Variants in SARM1 observed in about 807,000 individuals in gnomAD.
SARM1 encodes the protein NAD(+) hydrolase SARM1.
Under a neutral mutation model 65.1 loss-of-function variants are expected in SARM1, and 60 were observed. That is an observed-to-expected ratio of 0.92 (90% CI 0.75 to 1.14). The LOEUF (loss-of-function observed/expected upper bound fraction) is 1.14, where lower values mean the gene tolerates loss of function less well. Among genes scored for constraint, SARM1 ranks in the 50% most tolerant of loss-of-function variants. The probability of loss-of-function intolerance (pLI) is 0.00; values close to 1 mark genes in which losing one functional copy is unlikely to be tolerated. For missense variants in SARM1, 913 were observed against 1,015.7 expected (o/e 0.90, Z 1.37); for synonymous variants, 417 against 465.4 (o/e 0.90, Z 1.34).
intron 1 of SARM1, chr17:28,373,555 G>A (rs2142421648): frequency 6.6e-6 from 1 of 152,326 alleles, no homozygotes; most frequent in African/African-American, 2.4e-5. Context: ...TTTAGGTTGG[G>A]AGACCAAGAT....
Position 28,381,513 on chromosome 17 carries a change from AAGG to A in SARM1, c.786_788del (p.Glu262del), listed in dbSNP as rs2068023956. ...GTGGCTCTTCCCGCTCGCCTTCTCC[AAGG>A]AGGACGAGCTGCTTCGGCTGCACGC... On this transcript the variant is annotated inframe_deletion, in exon 2 of 9. Transcript: ENST00000585482. 1.9e-6 allele frequency: 3 copies of A among 1,566,702 alleles called. No individual in the cohort carries two copies.
rs936934903 is a variant in SARM1, at chr17:28,384,994, C to T, written c.1395-46C>T. The T allele has an allele frequency of 1.2e-6, 2 of 1,606,058 alleles. No individual in the cohort carries two copies. Among genetic ancestry groups the T allele is most frequent in the Admixed American group, 1.7e-5 (1 of 59,102 alleles). Reference sequence around the variant, plus strand: ...AAATAAGCTCCCCCTCCGCCCACAGCCCGTCCGAGTCTGGACCTCAGCGTC... The same window carrying T: ...AAATAAGCTCCCCCTCCGCCCACAGTCCGTCCGAGTCTGGACCTCAGCGTC... On this transcript the variant is annotated intron_variant, in intron 4 of 8. Coordinates refer to ENST00000585482, the MANE Select transcript of SARM1 (RefSeq NM_015077.4). This position sits in a 1 kb window ranked among gnomAD's most constrained non-coding sequence, Gnocchi z 4.4.
chr17:28,381,503 C>A lies in SARM1; in HGVS notation c.771C>A (p.Leu257=), dbSNP rs782024705. 6.4e-7 allele frequency: 1 copy of A among 1,560,064 alleles called. No homozygotes were observed. Among genetic ancestry groups the A allele is most frequent in the South Asian group, 1.2e-5 (1 of 84,660 alleles). ...GCGCAGCCGAGTGGCTCTTCCCGCT[C>A]GCCTTCTCCAAGGAGGACGAGCTGC... ...EKRAAEWLFP[L]AFSKEDELLR... The change falls in exon 2 of 9, where the codon CTC becomes CTA. Residue 257 remains leucine (L), a synonymous_variant. Transcript: ENST00000585482.
At position 28,400,545 on chromosome 17, in the gene SARM1, G is replaced by A. The variant is rs2068182858; in HGVS notation, c.*4259G>A. ...ATGAAGCTGCCATTTCTGGTTGGGA[G>A]GAGAAGAGGAAACTTTTAAGAGAAA... On this transcript the variant is annotated 3_prime_UTR_variant, in exon 9 of 9. Coordinates refer to ENST00000585482, the MANE Select transcript of SARM1 (RefSeq NM_015077.4). The A allele has an allele frequency of 3.2e-6, 5 of 1,586,558 alleles. No homozygotes were observed. Among genetic ancestry groups the A allele is most frequent in the Non-Finnish European group, 4.3e-6 (5 of 1,164,542 alleles).
rs1224579416 is a variant in SARM1 at position 28,372,057 on chromosome 17, G to C, written c.25G>C (p.Ala9Pro). ...CATGGTCCTGACGCTGCTTCTCTCC[G>C]CCTACAAGCTGTGTCGCTTCTTCGC... MVLTLLLS[A>P]YKLCRFFAMS... is the part of the protein sequence containing the mutation. The change falls in exon 1 of 9, where the codon GCC (alanine) becomes CCC (proline). Residue 9 changes from alanine to proline, a missense_variant. Physicochemically the swap from Ala to Pro is conservative, Grantham distance 27. This residue lies in a region of SARM1 where 39 missense variants were observed against 32.0 expected (regional missense o/e 1.22). Transcript: ENST00000585482. The surrounding 1 kb of genome is among the most constrained non-coding windows in gnomAD (Gnocchi z 5.2). 26 of 1,504,820 alleles carry C rather than the reference G, an allele frequency of 1.7e-5. No homozygotes were observed. The Middle Eastern group carries it at 7.0e-4, about 40-fold the overall frequency. 93.2% of individuals were successfully genotyped at this position (1,504,820 alleles called of 1,614,324 possible).
rs1335223291 is a variant in SARM1, at chr17:28,399,911, A to C, written c.*3625A>C. ...CTGGAAAATAACTTTTTTTTTTTTA[A>C]GAGACAGGGTCTTGCTCTGTTGTCC... On this transcript the variant is annotated 3_prime_UTR_variant, in exon 9 of 9. Transcript: ENST00000585482. The C allele has an allele frequency of 1.7e-6, 1 of 578,288 alleles. No homozygotes were observed. The highest frequency in any genetic ancestry group is 3.1e-6 in the Non-Finnish European group (1 of 322,802). The allele number at this position is 578,288 out of a possible 1,614,324, so 35.8% of individuals were successfully genotyped here.
chr17:28,379,334 G>A (rs1421095723), intron 1 of SARM1, among the ~76,000 whole-genome samples: 7 of 114,220 alleles, frequency 6.1e-5, no homozygotes, highest in East Asian at 2.5e-4. Context: ...TTTTTGAGAC[G>A]GAGTCTCGCT....
chr17:28,385,077 A>G lies in SARM1; in HGVS notation c.1432A>G (p.Asn478Asp). The stretch of plus-strand genomic sequence containing the variant: ...GCTCACGGAGCTCAAGACCTTCGCC[A>G]ACTATTCTACGTGCGACCGCAGCAA... ...RELTELKTFA[N>D]YSTCDRSNLA... Residue 478 changes from asparagine (N) to aspartate (D), a missense_variant, in exon 5 of 9, where the codon AAC becomes GAC. Asn to Asp is a conservative substitution (Grantham distance 23). Coordinates refer to ENST00000585482, the MANE Select transcript of SARM1 (RefSeq NM_015077.4). This position sits in a 1 kb window ranked among gnomAD's most constrained non-coding sequence, Gnocchi z 4.5. The G allele has an allele frequency of 6.2e-7, 1 of 1,613,858 alleles. No individual in the cohort carries two copies. The highest frequency in any genetic ancestry group is 8.5e-7 in the Non-Finnish European group (1 of 1,179,840).
Position 28,403,013 on chromosome 17 carries a change from G to A in SARM1, c.*6727G>A, listed in dbSNP as rs781818791. The A allele has an allele frequency of 6.6e-6, 1 of 152,246 alleles. No individual in the cohort carries two copies. The highest frequency in any genetic ancestry group is 1.5e-5 in the Non-Finnish European group (1 of 68,068). The allele number at this position is 152,246 out of a possible 1,614,324, so 9.4% of individuals were successfully genotyped here. On this transcript the variant is annotated 3_prime_UTR_variant, in exon 9 of 9. Transcript: ENST00000585482. ...TTGAGAAGGCACAAAGAGGAGGAGA[G>A]TCAATGTGAGCACAGAGGCAGAGAC... is the stretch of plus-strand genomic sequence containing the variant.
In SARM1 at chr17:28,381,440, C is replaced by A. The variant is rs986488733; in HGVS notation, c.708C>A (p.His236Gln). ...CALALGNCALHGGQAVQRRMV... is the reference protein window; with the variant it reads ...CALALGNCALQGGQAVQRRMV... ...TGGCGCTGGGCAACTGCGCGCTGCA[C>A]GGGGGCCAGGCGGTGCAGCGACGCA... Residue 236 changes from histidine to glutamine, a missense_variant, in exon 2 of 9, where the codon CAC becomes CAA. Around this residue, in one of 3 missense-constraint regions of SARM1, gnomAD observed 862 missense variants for 952.1 expected, o/e 0.91. Transcript: ENST00000585482. 1.3e-6 allele frequency: 2 copies of A among 1,545,982 alleles called. No homozygotes were observed. The highest frequency in any genetic ancestry group is 2.7e-5 in the African/African-American group (2 of 72,860).
At chr17:28,396,052 G>A (rs782010863) in intron 8 of SARM1, 26 bp downstream of exon 8, 2 of 1,613,740 alleles carry the variant, frequency 1.2e-6, no homozygotes, top group Non-Finnish European at 1.7e-6. Flanking sequence ...CTGGGACCAG[G>A]GGGGTAGGGT....
intron 6 of SARM1, 25 bp from the exon 7 acceptor site, chr17:28,388,325 G>A (rs1555586379): frequency 6.2e-7 from 1 of 1,611,640 alleles, no homozygotes; most frequent in Non-Finnish European, 8.5e-7. Flanking sequence ...CAAGGCTGTG[G>A]CACTGACACA....
Position 28,400,822 on chromosome 17 carries a change from G to A in SARM1, c.*4536G>A, listed in dbSNP as rs781971528. ...TCCGAAAGGGCCATATTCCAACTCT[G>A]GCACCACCACCTCACAGCTGTGTGA... On this transcript the variant is annotated 3_prime_UTR_variant, in exon 9 of 9. Transcript: ENST00000585482. 6.6e-5 allele frequency: 98 copies of A among 1,489,788 alleles called. No homozygotes were observed. The highest frequency in any genetic ancestry group is 8.8e-5 in the Non-Finnish European group (96 of 1,094,068). 92.3% of individuals were successfully genotyped at this position (1,489,788 alleles called of 1,614,324 possible).
chr17:28,372,202 C>A lies in SARM1; in HGVS notation c.170C>A (p.Ala57Glu). Residue 57 changes from alanine to glutamate, a missense_variant, in exon 1 of 9, where the codon GCA (alanine) becomes GAA (glutamate). Physicochemically the swap from Ala to Glu is moderately radical, Grantham distance 107 (BLOSUM62 -1). This residue lies in a region of SARM1 where 862 missense variants were observed against 952.1 expected (regional missense o/e 0.91). Coordinates refer to ENST00000585482, the MANE Select transcript of SARM1 (RefSeq NM_015077.4). The surrounding 1 kb of genome is among the most constrained non-coding windows in gnomAD (Gnocchi z 5.2). ...GGGCCCCGCGAAGTGTCGCCGGGGG[C>A]AGGCACCGAGGTGCAGGACGCCCTG... The part of the protein sequence containing the change: ...GRGPREVSPG[A>E]GTEVQDALER... 1 of 1,371,894 alleles carries A rather than the reference C, an allele frequency of 7.3e-7. No individual in the cohort carries two copies. Among genetic ancestry groups the A allele is most frequent in the Non-Finnish European group, 9.3e-7 (1 of 1,071,826 alleles). The allele number at this position is 1,371,894 out of a possible 1,614,324, so 85.0% of individuals were successfully genotyped here.
chr17:28,377,024 A>C (rs1555584705), intron 1 of SARM1, among the ~76,000 whole-genome samples: 1 of 152,182 alleles, frequency 6.6e-6, no homozygotes, highest in East Asian at 1.9e-4. Context: ...TCCTGACCTC[A>C]AGTGATCTGC....
intron 1 of SARM1, among the ~76,000 whole-genome samples, chr17:28,375,786 G>A (rs1048347568): frequency 5.3e-5 from 8 of 152,022 alleles, no homozygotes; most frequent in Non-Finnish European, 1.2e-4. Flanking sequence ...ACCAGCCTGG[G>A]CAGCATAGTG....
At position 28,399,663 on chromosome 17, in the gene SARM1, C is replaced by T. The variant is rs782324529; in HGVS notation, c.*3377C>T. On this transcript the variant is annotated 3_prime_UTR_variant, in exon 9 of 9. Coordinates refer to ENST00000585482, the MANE Select transcript of SARM1 (RefSeq NM_015077.4). The stretch of plus-strand genomic sequence containing the variant: ...TCTTCTGGTCCAGGCAGATCAGGGG[C>T]TCTGGGGAAACTGCTGGAACTCGAG... The T allele has an allele frequency of 7.4e-6, 12 of 1,613,998 alleles. No individual in the cohort carries two copies. Among genetic ancestry groups the T allele is most frequent in the Middle Eastern group, 1.6e-4 (1 of 6,062 alleles).
At position 28,385,336 on chromosome 17, in the gene SARM1, T is replaced by A; in HGVS notation, c.1630+61T>A. 1 of 1,291,940 alleles carries A rather than the reference T, an allele frequency of 7.7e-7. No individual in the cohort carries two copies. The highest frequency in any genetic ancestry group is 1.0e-6 in the Non-Finnish European group (1 of 961,216). The allele number at this position is 1,291,940 out of a possible 1,614,324, so 80.0% of individuals were successfully genotyped here. A position where few individuals can be genotyped will look rare whatever the true frequency, so the allele number is the denominator to read the frequency against. On this transcript the variant is annotated intron_variant, in intron 5 of 8. Coordinates refer to ENST00000585482, the MANE Select transcript of SARM1 (RefSeq NM_015077.4). This position sits in a 1 kb window ranked among gnomAD's most constrained non-coding sequence, Gnocchi z 4.5. Reference sequence around the variant, plus strand: ...AGCCCCAGCCACGGCCCTGGAATGGTGAGGGGAGACACGGGGTGGAGCCTT... The same window carrying A: ...AGCCCCAGCCACGGCCCTGGAATGGAGAGGGGAGACACGGGGTGGAGCCTT...
In SARM1 at chr17:28,400,223, GA is replaced by G; in HGVS notation, c.*3942del. 7.6e-6 allele frequency: 2 copies of G among 261,840 alleles called. No homozygotes were observed. The highest frequency in any genetic ancestry group is 5.2e-5 in the South Asian group (1 of 19,262). The allele number at this position is 261,840 out of a possible 1,614,324, so 16.2% of individuals were successfully genotyped here. A position where few individuals can be genotyped will look rare whatever the true frequency, so the allele number is the denominator to read the frequency against. ...AAATATAATTCTTAATATCATACAG[GA>G]AAAAGTCAGCGGGTCAAGCTAGCCT... is the stretch of plus-strand genomic sequence containing the variant. On this transcript the variant is annotated 3_prime_UTR_variant, in exon 9 of 9. Coordinates refer to ENST00000585482, the MANE Select transcript of SARM1 (RefSeq NM_015077.4).
Sources: gnomAD v4.1 joint callset for allele counts (sites outside exome capture counted in the v4.1 genomes callset) on GRCh38, gnomAD v4.1.1 for gene constraint, gnomAD v4.1.1 regional missense constraint, Gnocchi (gnomAD v3.1) non-coding constraint, MANE v1.5 for transcripts, NCBI Gene and HGNC (gene_info 2026-07-23, HGNC 2026-07-21) for gene names.